The following NKAIN2 variants were observed in gnomAD, a reference collection of about 807,000 sequenced individuals.
The protein encoded by NKAIN2 is sodium/potassium transporting ATPase interacting 2.
A neutral mutation model predicts 32.6 loss-of-function variants in NKAIN2; 14 were observed. That is an observed-to-expected ratio of 0.43 (90% CI 0.28 to 0.67). NKAIN2 has a LOEUF of 0.67. NKAIN2 is among the 30% of genes least tolerant of loss of function. The probability of loss-of-function intolerance (pLI) is 0.17; values close to 1 mark genes in which losing one functional copy is unlikely to be tolerated. For synonymous variants in NKAIN2, 80 were observed against 87.2 expected, an observed-to-expected ratio of 0.92 and a Z score of 0.46; for missense variants, 198 against 258.3, an observed-to-expected ratio of 0.77 and a Z score of 1.60.
chr6:124,273,102 T>G (rs1794872200), intron 1 of NKAIN2, among the ~76,000 whole-genome samples: 1 of 152,194 alleles, frequency 6.6e-6, no homozygotes, highest in East Asian at 1.9e-4. Flanking sequence ...GAGTTAAGAC[T>G]TTGGGGCACT....
chr6:124,089,721 A>G (rs1055878767), intron 1 of NKAIN2, among the ~76,000 whole-genome samples: 1 of 152,026 alleles, frequency 6.6e-6, no homozygotes, highest in African/African-American at 2.4e-5. Context: ...TTCATACACA[A>G]TTAGCATATT....
chr6:124,555,864 T>C (rs1780455129), intron 3 of NKAIN2, among the ~76,000 whole-genome samples: 1 of 152,226 alleles, frequency 6.6e-6, no homozygotes, highest in African/African-American at 2.4e-5. Flanking sequence ...AAAAGCAGAC[T>C]GAGAAGGAAC....
At chr6:124,626,838 A>G (rs1783370292) in intron 3 of NKAIN2, among the ~76,000 whole-genome samples, 1 of 152,186 alleles carries the variant, frequency 6.6e-6, no homozygotes, top group Admixed American at 6.6e-5. Flanking sequence ...CTATGTTCTT[A>G]TTCAAAGTTG....
chr6:124,382,407 A>G (rs972659483), intron 3 of NKAIN2, among the ~76,000 whole-genome samples: 1 of 152,180 alleles, frequency 6.6e-6, no homozygotes, highest in Non-Finnish European at 1.5e-5. Context: ...ATGCGAGCTA[A>G]AACTCTGATG....
At chr6:124,503,407 G>A (rs1778366633) in intron 3 of NKAIN2, among the ~76,000 whole-genome samples, 1 of 152,020 alleles carries the variant, frequency 6.6e-6, no homozygotes, top group Non-Finnish European at 1.5e-5. Flanking sequence ...ATGTAAATAG[G>A]AGTGTTAAGG....
chr6:124,269,613 G>A (rs910990034), intron 1 of NKAIN2, among the ~76,000 whole-genome samples: 1 of 151,736 alleles, frequency 6.6e-6, no homozygotes, highest in Non-Finnish European at 1.5e-5. Context: ...GATTACAGGT[G>A]CCTGCCACCA....
chr6:124,775,939 C>A (rs1460712912), intron 4 of NKAIN2, among the ~76,000 whole-genome samples: 1 of 152,138 alleles, frequency 6.6e-6, no homozygotes, highest in South Asian at 2.1e-4. Context: ...AGGCCAAGGG[C>A]AGCAACAAAA....
At chr6:123,955,601 T>TTTTA (rs1554228753) in intron 1 of NKAIN2, among the ~76,000 whole-genome samples, 1 of 144,830 alleles carries the variant, frequency 6.9e-6, no homozygotes, top group African/African-American at 2.5e-5. Context: ...TTTTATTTTA[T>TTTTA]TTTATTTTAT....
intron 4 of NKAIN2, among the ~76,000 whole-genome samples, chr6:124,786,571 C>T (rs1779514800): frequency 6.6e-6 from 1 of 151,900 alleles, no homozygotes; most frequent in African/African-American, 2.4e-5. Flanking sequence ...TTTAGTTATA[C>T]AGAGAAAATA....
At chr6:124,431,775 C>CAT (rs926710688) in intron 3 of NKAIN2, among the ~76,000 whole-genome samples, 1 of 151,986 alleles carries the variant, frequency 6.6e-6, no homozygotes, top group Non-Finnish European at 1.5e-5. Context: ...CACACACACA[C>CAT]ATATATAATT....
At chr6:124,344,403 A>G (rs1055144734) in intron 2 of NKAIN2, among the ~76,000 whole-genome samples, 1 of 151,718 alleles carries the variant, frequency 6.6e-6, no homozygotes, top group African/African-American at 2.4e-5. Flanking sequence ...ATGGCATTGA[A>G]TCTATAAATT....
intron 1 of NKAIN2, among the ~76,000 whole-genome samples, chr6:124,002,334 A>T (rs1333969874): frequency 1.3e-5 from 2 of 152,148 alleles, no homozygotes; most frequent in Admixed American, 6.6e-5. Flanking sequence ...AGTGAAATGA[A>T]TGGTTAATGA....
Position 124,462,406 on chromosome 6 carries a change from T to TA in NKAIN2, c.273+107060dup, listed in dbSNP as rs572284307. ...TTAGTACAAAAATATTGTAACAGCC[T>TA]ATGCATATTTGAGAATATAAACCTC... On this transcript the variant is annotated intron_variant, in intron 3 of 6. Coordinates refer to ENST00000368417, the MANE Select transcript of NKAIN2 (RefSeq NM_001040214.3). 6.6e-5 allele frequency among the ~76,000 whole-genome samples: 10 copies of TA among 152,128 alleles called. 1 individual carries two copies. The East Asian group carries it at 1.5e-3, about 24-fold the overall frequency.
intron 3 of NKAIN2, among the ~76,000 whole-genome samples, chr6:124,361,342 T>A (rs756388565): frequency 2.0e-5 from 3 of 152,084 alleles, no homozygotes; most frequent in Non-Finnish European, 4.4e-5. Context: ...TTTCTTCATA[T>A]TACTATTTTC....
intron 3 of NKAIN2, among the ~76,000 whole-genome samples, chr6:124,544,376 A>T (rs954297099): frequency 3.8e-5 from 5 of 132,180 alleles, no homozygotes; most frequent in Non-Finnish European, 8.6e-5. Context: ...GAGGAGAAGG[A>T]GCTGTGGAAT....
In NKAIN2 at chr6:124,768,793, G is replaced by C. The variant is rs544166500; in HGVS notation, c.475-22546G>C. Among the ~76,000 whole-genome samples, 45 of 152,078 alleles carry C rather than the reference G, an allele frequency of 3.0e-4. 1 individual carries two copies. The East Asian group carries it at 7.1e-3, about 24-fold the overall frequency. On this transcript the variant is annotated intron_variant, in intron 4 of 6. Coordinates refer to ENST00000368417, the MANE Select transcript of NKAIN2 (RefSeq NM_001040214.3). The stretch of plus-strand genomic sequence containing the variant: ...CTTACCAGCAGGATTTTAGTAATTG[G>C]CATCATATATGAAAGAAAAATTTAT...
At chr6:124,675,580 T>C (rs908660605) in intron 4 of NKAIN2, among the ~76,000 whole-genome samples, 2 of 152,126 alleles carry the variant, frequency 1.3e-5, no homozygotes, top group African/African-American at 4.8e-5. Flanking sequence ...TAAGTCTTGA[T>C]AGATTATATA....
intron 3 of NKAIN2, among the ~76,000 whole-genome samples, chr6:124,403,194 G>T (rs767121669): frequency 1.3e-5 from 2 of 151,892 alleles, no homozygotes; most frequent in Admixed American, 6.6e-5. Context: ...CCGTTTTATA[G>T]TCTAAACATC....
chr6:123,937,251 G>C (rs1776556501), intron 1 of NKAIN2, among the ~76,000 whole-genome samples: 1 of 152,068 alleles, frequency 6.6e-6, no homozygotes, highest in African/African-American at 2.4e-5. Context: ...ACCATGCTTT[G>C]AGTTAGAGTA....
Sources: gnomAD v4.1 joint callset for allele counts (sites outside exome capture counted in the v4.1 genomes callset) on GRCh38, gnomAD v4.1.1 for gene constraint, MANE v1.5 for transcripts, NCBI Gene and HGNC (gene_info 2026-07-23, HGNC 2026-07-21) for gene names.